CDH12: variants seen among roughly 807,000 people sequenced by gnomAD.
CDH12 encodes cadherin-12.
Under a neutral mutation model 74.1 loss-of-function variants are expected in CDH12, and 41 were observed. The observed-to-expected ratio is 0.55, with a 90% CI of 0.43 to 0.72. The LOEUF (loss-of-function observed/expected upper bound fraction) is 0.72, where lower values mean the gene tolerates loss of function less well. Among genes scored for constraint, CDH12 ranks in the 30% least tolerant of loss-of-function variants. The pLI is 0.00. For synonymous variants in CDH12, 399 were observed against 355.0 expected, an observed-to-expected ratio of 1.12 and a Z score of -1.39; for missense variants, 945 against 977.2, an observed-to-expected ratio of 0.97 and a Z score of 0.44.
intron 9 of CDH12, among the ~76,000 whole-genome samples, chr5:21,810,238 A>G (rs1423386839): frequency 1.3e-5 from 2 of 152,186 alleles, no homozygotes; most frequent in Non-Finnish European, 2.9e-5. Context: ...ACGTCTAAAT[A>G]GATTTCTTTC....
chr5:21,948,820 T>A (rs1193207365), intron 6 of CDH12, among the ~76,000 whole-genome samples: 1 of 152,130 alleles, frequency 6.6e-6, no homozygotes, highest in East Asian at 1.9e-4. Context: ...GGTGATTGGA[T>A]CATGTGGGCG....
chr5:21,936,502 A>T (rs1274343630), intron 6 of CDH12, among the ~76,000 whole-genome samples: 1 of 152,202 alleles, frequency 6.6e-6, no homozygotes, highest in Non-Finnish European at 1.5e-5. Context: ...CAGAAAGTTT[A>T]TGCCTCTTAA....
intron 5 of CDH12, among the ~76,000 whole-genome samples, chr5:22,045,613 A>C (rs537157988): frequency 2.1e-4 from 32 of 151,890 alleles, no homozygotes; most frequent in Non-Finnish European, 4.1e-4. Flanking sequence ...AAAAAAAAAA[A>C]AAAACAATAA....
At chr5:22,218,947 C>T (rs1751917433) in intron 3 of CDH12, among the ~76,000 whole-genome samples, 1 of 151,698 alleles carries the variant, frequency 6.6e-6, no homozygotes, top group Admixed American at 6.6e-5. Flanking sequence ...TACAGCATTT[C>T]CCATTCAATC....
At chr5:22,556,068 A>T (rs567370233) in intron 1 of CDH12, among the ~76,000 whole-genome samples, 1 of 152,016 alleles carries the variant, frequency 6.6e-6, no homozygotes, top group African/African-American at 2.4e-5. Flanking sequence ...AAAAAAAAAA[A>T]ATTTCAAAGA....
chr5:22,545,968 G>T (rs537652098), intron 1 of CDH12, among the ~76,000 whole-genome samples: 1 of 152,012 alleles, frequency 6.6e-6, no homozygotes, highest in South Asian at 2.1e-4. Context: ...TTTTGAGATG[G>T]AGTCTCGCAC....
chr5:22,084,971 T>C (rs1340989141), intron 4 of CDH12, among the ~76,000 whole-genome samples: 1 of 152,194 alleles, frequency 6.6e-6, no homozygotes, highest in Non-Finnish European at 1.5e-5. Context: ...TATGGAAATA[T>C]GTGAACCTTA....
intron 7 of CDH12, among the ~76,000 whole-genome samples, chr5:21,853,380 G>A (rs182033402): frequency 2.0e-5 from 3 of 151,602 alleles, no homozygotes; most frequent in East Asian, 1.9e-4. Context: ...TGGAGTTCTC[G>A]AAGGACTGAT....
rs548830060 is a variant in CDH12 at position 22,815,280 on chromosome 5, C to T, written c.-523+37778G>A. 2.6e-5 allele frequency among the ~76,000 whole-genome samples: 4 copies of T among 152,208 alleles called. No individual in the cohort carries two copies. In the East Asian group the frequency reaches 7.7e-4, roughly 29 times the overall value. ...TACAGTAGAAGTTAAGTGGATTATT[C>T]TTTCTTTTGATGCTCTCCTATACTC... On this transcript the variant is annotated intron_variant, in intron 1 of 14. Transcript: ENST00000382254.
chr5:21,992,682 A>C (rs536306698), intron 5 of CDH12, among the ~76,000 whole-genome samples: 1 of 152,226 alleles, frequency 6.6e-6, no homozygotes, highest in South Asian at 2.1e-4. Context: ...GTTTTTTACA[A>C]TTTTTCCTTC....
intron 4 of CDH12, among the ~76,000 whole-genome samples, chr5:22,208,857 T>G (rs1434834029): frequency 1.3e-5 from 2 of 152,244 alleles, no homozygotes; most frequent in African/African-American, 4.8e-5. Flanking sequence ...TCTTTTGGAA[T>G]AGTAATACAG....
At chr5:22,218,456 G>T (rs1042526992) in intron 3 of CDH12, among the ~76,000 whole-genome samples, 3 of 151,674 alleles carry the variant, frequency 2.0e-5, no homozygotes, top group African/African-American at 7.2e-5. Flanking sequence ...TGATTATGCT[G>T]ATATAAAACA....
At chr5:22,511,643 C>G (rs1293715875) in intron 1 of CDH12, among the ~76,000 whole-genome samples, 3 of 152,096 alleles carry the variant, frequency 2.0e-5, no homozygotes, top group Non-Finnish European at 4.4e-5. Context: ...GGTTGGTAAT[C>G]CACATGGACA....
chr5:22,017,885 G>C (rs779898832), intron 5 of CDH12, among the ~76,000 whole-genome samples: 19 of 151,306 alleles, frequency 1.3e-4, no homozygotes, highest in Middle Eastern at 3.4e-3. Context: ...TCAGCCTCCC[G>C]AGTAGCTGGG....
intron 3 of CDH12, among the ~76,000 whole-genome samples, chr5:22,230,803 G>C (rs1226752147): frequency 1.3e-5 from 2 of 152,054 alleles, no homozygotes; most frequent in South Asian, 2.1e-4. Context: ...ATGCATGGAG[G>C]AAGAAGTTAC....
chr5:22,446,124 T>C (rs1744806810), intron 2 of CDH12, among the ~76,000 whole-genome samples: 2 of 152,070 alleles, frequency 1.3e-5, no homozygotes, highest in South Asian at 2.1e-4. Flanking sequence ...TTACCAGCCC[T>C]AATCTCTCAG....
chr5:22,558,877 G>A (rs1409119218), intron 1 of CDH12, among the ~76,000 whole-genome samples: 3 of 152,090 alleles, frequency 2.0e-5, no homozygotes, highest in East Asian at 1.9e-4. Flanking sequence ...ACATTTCCCT[G>A]TGACATAGGA....
intron 1 of CDH12, among the ~76,000 whole-genome samples, chr5:22,621,045 C>A (rs1041853698): frequency 1.3e-5 from 2 of 152,176 alleles, no homozygotes; most frequent in Admixed American, 1.3e-4. Flanking sequence ...TGCGGACTTG[C>A]ATTTACTTCT....
At chr5:22,033,140 T>G (rs1052440887) in intron 5 of CDH12, among the ~76,000 whole-genome samples, 1 of 152,122 alleles carries the variant, frequency 6.6e-6, no homozygotes, top group Non-Finnish European at 1.5e-5. Flanking sequence ...TGTGGAAATT[T>G]TAGCAATGTA....
Sources: allele counts gnomAD v4.1 joint callset (sites outside exome capture counted in the v4.1 genomes callset), GRCh38; gene constraint gnomAD v4.1.1; transcripts MANE v1.5; gene names NCBI Gene and HGNC (gene_info 2026-07-23, HGNC 2026-07-21).